The following NFX1 variants were observed in gnomAD, a reference collection of about 807,000 sequenced individuals.
NFX1 encodes the protein nuclear transcription factor, X-box binding 1.
NFX1 carries 69 observed loss-of-function variants against 137.2 expected under a neutral mutation model. The observed-to-expected ratio is 0.50, with a 90% confidence interval of 0.41 to 0.61. NFX1 has a LOEUF of 0.61. Among genes scored for constraint, NFX1 ranks in the 20% least tolerant of loss-of-function variants. NFX1 has a pLI of 0.00. For missense variants in NFX1, 1,167 were observed against 1,391.0 expected (o/e 0.84, Z 2.56); for synonymous variants, 495 against 474.1 (o/e 1.04, Z -0.57).
intron 19 of NFX1, among the ~76,000 whole-genome samples, chr9:33,362,677 T>G (rs1824033441): frequency 6.8e-6 from 1 of 147,868 alleles, no homozygotes; most frequent in Non-Finnish European, 1.5e-5. Context: ...TAGATGGTAG[T>G]AATAAGTTCC....
chr9:33,370,122 T>G lies in NFX1; in HGVS notation c.*144T>G. On this transcript the variant is annotated 3_prime_UTR_variant, in exon 24 of 24. Coordinates refer to ENST00000379540, the MANE Select transcript of NFX1 (RefSeq NM_002504.6). Reference sequence around the variant, plus strand: ...TGTACTGACACATCCAAAGCATGAGTGTGTCAGAAATCCCTTGTCTATTCC... The same window carrying G: ...TGTACTGACACATCCAAAGCATGAGGGTGTCAGAAATCCCTTGTCTATTCC... The G allele has an allele frequency of 1.6e-6, 1 of 621,472 alleles. No individual in the cohort carries two copies. Among genetic ancestry groups the G allele is most frequent in the Non-Finnish European group, 2.8e-6 (1 of 357,202 alleles). 38.5% of individuals were successfully genotyped at this position (621,472 alleles called of 1,614,324 possible). A position where few individuals can be genotyped will look rare whatever the true frequency, so the allele number is the denominator to read the frequency against.
Position 33,294,940 on chromosome 9 carries a change from A to G in NFX1, c.546A>G (p.Pro182=), listed in dbSNP as rs557146865. The G allele has an allele frequency of 1.9e-6, 3 of 1,614,182 alleles. No individual in the cohort carries two copies. The highest frequency in any genetic ancestry group is 1.3e-5 in the African/African-American group (1 of 75,044). The part of the protein sequence containing the change: ...TQFVYSYGRG[P]KVKGKLKCEW... ...TTGTATACAGCTATGGTAGAGGACC[A>G]AAAGTCAAGGGGAAACTCAAATGTG... Residue 182 remains proline, a synonymous_variant, in exon 2 of 24, where the codon CCA becomes CCG. Transcript: ENST00000379540.
At chr9:33,369,210 C>T (rs1198191438) in intron 23 of NFX1, among the ~76,000 whole-genome samples, 5 of 151,984 alleles carry the variant, frequency 3.3e-5, no homozygotes, top group Admixed American at 6.6e-5. Flanking sequence ...GGACTACAGG[C>T]GCCTGCCACC....
At chr9:33,345,542 G>T (rs1823389574) in intron 14 of NFX1, among the ~76,000 whole-genome samples, 1 of 152,114 alleles carries the variant, frequency 6.6e-6, no homozygotes, top group Admixed American at 6.6e-5. Context: ...CACCTCCAAA[G>T]AATTATACCT....
chr9:33,299,675 C>A (rs900414024), intron 2 of NFX1, among the ~76,000 whole-genome samples: 1 of 152,052 alleles, frequency 6.6e-6, no homozygotes, highest in Admixed American at 6.6e-5. Flanking sequence ...ACTTTGGTGA[C>A]GCCTGTAACT....
chr9:33,367,288 C>T (rs936283470), intron 22 of NFX1, among the ~76,000 whole-genome samples: 1 of 152,108 alleles, frequency 6.6e-6, no homozygotes, highest in African/African-American at 2.4e-5. Context: ...GAAGAACTTG[C>T]CAGTGAAGAA....
chr9:33,364,595 C>A, intron 20 of NFX1, 113 bp from the exon 21 acceptor site: 1 of 1,198,322 alleles, frequency 8.3e-7, no homozygotes, highest in Non-Finnish European at 1.2e-6. Context: ...CTGATCTCTG[C>A]AGTTTTACTG....
Position 33,302,677 on chromosome 9 carries a change from GT to G in NFX1, c.1193-504del, listed in dbSNP as rs537652602. The stretch of plus-strand genomic sequence containing the variant: ...TAGTGGTTTTTTTTTGTTTGTTTTT[GT>G]TTTTTTTTTGAGAGGGAGTCTCACT... On this transcript the variant is annotated intron_variant, in intron 3 of 23. Coordinates refer to ENST00000379540, the MANE Select transcript of NFX1 (RefSeq NM_002504.6). Among the ~76,000 whole-genome samples the G allele has an allele frequency of 1.2e-3, 168 of 137,358 alleles. 1 individual carries two copies. The highest frequency in any genetic ancestry group is 2.5e-3 in the Admixed American group (35 of 13,808). The allele number at this position is 137,358 out of a possible 152,430, so 90.1% of individuals were successfully genotyped here. A position where few individuals can be genotyped will look rare whatever the true frequency, so the allele number is the denominator to read the frequency against.
At chr9:33,321,384 A>C (rs917295090) in intron 9 of NFX1, among the ~76,000 whole-genome samples, 1 of 152,184 alleles carries the variant, frequency 6.6e-6, no homozygotes, top group African/African-American at 2.4e-5. Context: ...AATGACTGTC[A>C]GGTTTGTTCA....
rs1445272911 is a variant in NFX1 at position 33,352,692 on chromosome 9, G to T, written c.2702G>T (p.Cys901Phe). The stretch of plus-strand genomic sequence containing the variant: ...GGACGAAGAAAAGAGATGGTGATTT[G>T]CTCTGAAGCATCTAGTACTTATCAA... Reference protein sequence around the residue: ...ECGRRKEMVICSEASSTYQRI... With the variant: ...ECGRRKEMVIFSEASSTYQRI... Residue 901 changes from cysteine (C) to phenylalanine (F), a missense_variant, in exon 17 of 24, where the codon TGC becomes TTC. By Grantham distance (205) the Cys-to-Phe change is radical. This residue lies in a region of NFX1 where 312 missense variants were observed against 312.8 expected (regional missense o/e 1.00). Coordinates refer to ENST00000379540, the MANE Select transcript of NFX1 (RefSeq NM_002504.6). 4 of 1,614,048 alleles carry T rather than the reference G, an allele frequency of 2.5e-6. No homozygotes were observed. Among genetic ancestry groups the T allele is most frequent in the Non-Finnish European group, 3.4e-6 (4 of 1,179,992 alleles).
chr9:33,303,114 T>C (rs1040847720), intron 3 of NFX1, 77 bp from the exon 4 acceptor site: 9 of 1,131,218 alleles, frequency 8.0e-6, no homozygotes, highest in Non-Finnish European at 1.2e-5. Flanking sequence ...TGTGTCTTCC[T>C]ATAGATTTAA....
At chr9:33,337,563 ATATTT>A (rs927693925) in intron 11 of NFX1, among the ~76,000 whole-genome samples, 3 of 152,128 alleles carry the variant, frequency 2.0e-5, no homozygotes, top group Admixed American at 6.6e-5. Context: ...GTGAAAATTG[ATATTT>A]TAATATGCAT....
chr9:33,344,699 C>T (rs376637523), intron 14 of NFX1, among the ~76,000 whole-genome samples: 5 of 151,860 alleles, frequency 3.3e-5, no homozygotes, highest in South Asian at 4.2e-4. Context: ...AACCCCGTCT[C>T]TACTAAAAAT....
chr9:33,315,980 C>T (rs1017694861), intron 7 of NFX1, among the ~76,000 whole-genome samples: 1 of 151,682 alleles, frequency 6.6e-6, no homozygotes, highest in Non-Finnish European at 1.5e-5. Flanking sequence ...ACTCGGTGTT[C>T]TTTGAGTACA....
At chr9:33,290,691 A>G in intron 1 of NFX1, 94 bp downstream of exon 1, 1 of 1,204,490 alleles carries the variant, frequency 8.3e-7, no homozygotes, top group Non-Finnish European at 1.2e-6. Flanking sequence ...TCATATCGCG[A>G]GAGTAGCACA....
At position 33,363,994 on chromosome 9, in the gene NFX1, T is replaced by G. The variant is rs1824093883; in HGVS notation, c.2874-16T>G. On this transcript the variant is annotated splice_polypyrimidine_tract_variant and intron_variant, in intron 19 of 23. Coordinates refer to ENST00000379540, the MANE Select transcript of NFX1 (RefSeq NM_002504.6). ...CTCCCACTCCTTTTATTTGCATACCTCTCTCTCTCTTTCAGGAGATTAGCA... is the reference window on the plus strand; with the variant it reads ...CTCCCACTCCTTTTATTTGCATACCGCTCTCTCTCTTTCAGGAGATTAGCA... The G allele has an allele frequency of 6.9e-7, 1 of 1,445,510 alleles. No individual in the cohort carries two copies. The highest frequency in any genetic ancestry group is 2.1e-5 in the Admixed American group (1 of 47,782). 89.5% of individuals were successfully genotyped at this position (1,445,510 alleles called of 1,614,324 possible).
rs1402911139 is a variant in NFX1 at position 33,295,003 on chromosome 9, T to C, written c.609T>C (p.Ala203=). 3 of 1,614,084 alleles carry C rather than the reference T, an allele frequency of 1.9e-6. No homozygotes were observed. The highest frequency in any genetic ancestry group is 1.3e-5 in the African/African-American group (1 of 74,922). The part of the protein sequence containing the change: ...SNRTTPKPED[A]GPESTKPVGV... ...GAACAACTCCAAAACCGGAGGATGCTGGACCCGAAAGTACCAAACCTGTGG... is the reference window on the plus strand; with the variant it reads ...GAACAACTCCAAAACCGGAGGATGCCGGACCCGAAAGTACCAAACCTGTGG... The change falls in exon 2 of 24, where the codon GCT becomes GCC. Residue 203 remains alanine (A), a synonymous_variant. Transcript: ENST00000379540.
chr9:33,344,378 G>A (rs1232348005), intron 14 of NFX1, among the ~76,000 whole-genome samples, 190 bp downstream of exon 14: 1 of 152,134 alleles, frequency 6.6e-6, no homozygotes. Flanking sequence ...CCCTCCATTG[G>A]TTTACTCTAG....
intron 15 of NFX1, among the ~76,000 whole-genome samples, chr9:33,349,184 G>T (rs917996347): frequency 2.0e-5 from 3 of 152,166 alleles, no homozygotes; most frequent in African/African-American, 7.2e-5. Context: ...TAGGTAACAG[G>T]CTAGGTTTGG....
Sources: gnomAD v4.1 joint callset for allele counts (sites outside exome capture counted in the v4.1 genomes callset) on GRCh38, gnomAD v4.1.1 for gene constraint, gnomAD v4.1.1 regional missense constraint, MANE v1.5 for transcripts, NCBI Gene and HGNC (gene_info 2026-07-23, HGNC 2026-07-21) for gene names.